LNPK: variants seen among roughly 807,000 people sequenced by gnomAD.
The protein encoded by LNPK is endoplasmic reticulum junction formation protein lunapark.
Under a neutral mutation model 55.2 loss-of-function variants are expected in LNPK, and 29 were observed. The observed-to-expected ratio is 0.53, with a 90% CI of 0.39 to 0.72. LNPK has a LOEUF of 0.72. LNPK is among the 30% of genes least tolerant of loss of function. The pLI, the probability that LNPK is intolerant of heterozygous loss-of-function variation, is 0.00. For missense variants in LNPK, 467 were observed against 494.8 expected (o/e 0.94, Z 0.53); for synonymous variants, 162 against 168.2 (o/e 0.96, Z 0.29).
In LNPK at chr2:175,976,690, CT is replaced by C. The variant is rs1174094721; in HGVS notation, c.316+3119del. ...GACTCCCTGGAGCTAGGACATCTAT[CT>C]TTTCCTGCCTTCAGACTCAAACTGA... On this transcript the variant is annotated intron_variant, in intron 5 of 12. Transcript: ENST00000272748. Among the ~76,000 whole-genome samples the C allele has an allele frequency of 2.6e-5, 4 of 152,336 alleles. No individual in the cohort carries two copies. In the East Asian group the frequency reaches 7.7e-4, roughly 29 times the overall value.
upstream of LNPK, chr2:176,002,486 A>C: frequency 3.6e-6 from 1 of 274,186 alleles, no homozygotes; most frequent in Non-Finnish European, 7.2e-6. Context: ...ATTTATTATG[A>C]CTCTTAGAAT....
intron 5 of LNPK, among the ~76,000 whole-genome samples, chr2:175,978,169 TAAC>T (rs773895913): frequency 3.9e-5 from 6 of 152,068 alleles, no homozygotes; most frequent in Non-Finnish European, 5.9e-5. Context: ...AAATTAAAAA[TAAC>T]AACAATAAAA....
chr2:175,981,524 G>GATTTA (rs528076654), intron 4 of LNPK, among the ~76,000 whole-genome samples: 155 of 152,258 alleles, frequency 1.0e-3, no homozygotes, highest in African/African-American at 3.3e-3. Context: ...GCTTTGGCAT[G>GATTTA]TAAATTCCTG....
chr2:175,955,187 G>T (rs572016947), intron 8 of LNPK, among the ~76,000 whole-genome samples: 5 of 152,302 alleles, frequency 3.3e-5, no homozygotes, highest in African/African-American at 1.2e-4. Context: ...GGAGCAGAGG[G>T]TGTCTGTGTA....
Position 175,969,947 on chromosome 2 carries a change from T to A in LNPK, c.357+817A>T, listed in dbSNP as rs1299665540. Among the ~76,000 whole-genome samples the A allele has an allele frequency of 3.3e-5, 5 of 152,308 alleles. No individual in the cohort carries two copies. In the South Asian group the frequency reaches 1.0e-3, roughly 32 times the overall value. On this transcript the variant is annotated intron_variant, in intron 6 of 12. Transcript: ENST00000272748. Reference sequence around the variant, plus strand: ...TTCACAGAATAATTTTTAACATTAGTCTTAACCTTCACAATATTGGTTTCT... The same window carrying A: ...TTCACAGAATAATTTTTAACATTAGACTTAACCTTCACAATATTGGTTTCT...
intron 4 of LNPK, among the ~76,000 whole-genome samples, chr2:175,986,806 G>A (rs1324299054): frequency 6.6e-6 from 1 of 151,876 alleles, no homozygotes; most frequent in Non-Finnish European, 1.5e-5. Flanking sequence ...AAATATATCT[G>A]TCTCAATCCA....
chr2:175,975,029 C>G (rs1486711829), intron 5 of LNPK, among the ~76,000 whole-genome samples: 1 of 132,956 alleles, frequency 7.5e-6, no homozygotes, highest in Non-Finnish European at 1.6e-5. Context: ...TTTTTTTTTA[C>G]TATCTTGCTA....
chr2:175,994,626 G>C (rs1018619396), intron 2 of LNPK, among the ~76,000 whole-genome samples: 3 of 151,002 alleles, frequency 2.0e-5, no homozygotes, highest in African/African-American at 7.3e-5. Flanking sequence ...GGATGGAAGC[G>C]ATCCTGCCTC....
intron 5 of LNPK, among the ~76,000 whole-genome samples, chr2:175,971,963 G>A (rs1559058537): frequency 6.6e-6 from 1 of 152,284 alleles, no homozygotes; most frequent in South Asian, 2.1e-4. Flanking sequence ...CTGTCACCCA[G>A]GCTGGAGTGC....
At position 175,925,465 on chromosome 2, in the gene LNPK, A is replaced by T. The variant is rs74338620; in HGVS notation, c.*4502T>A. On this transcript the variant is annotated 3_prime_UTR_variant, in exon 13 of 13. Coordinates refer to ENST00000272748, the MANE Select transcript of LNPK (RefSeq NM_030650.3). ...ACTGCATATGCAAAACACAGAAAACACTACTATTGTTACTTTTAAAATGTG... is the reference window on the plus strand; with the variant it reads ...ACTGCATATGCAAAACACAGAAAACTCTACTATTGTTACTTTTAAAATGTG... 1 of 152,148 alleles carries T rather than the reference A, an allele frequency of 6.6e-6. No homozygotes were observed. Among genetic ancestry groups the T allele is most frequent in the Non-Finnish European group, 1.5e-5 (1 of 68,042 alleles). The allele number at this position is 152,148 out of a possible 1,614,324, so 9.4% of individuals were successfully genotyped here.
At chr2:175,971,826 C>T (rs1240637298) in intron 5 of LNPK, among the ~76,000 whole-genome samples, 1 of 152,182 alleles carries the variant, frequency 6.6e-6, no homozygotes, top group Non-Finnish European at 1.5e-5. Context: ...CCAAGCCAAA[C>T]ATCTGTACTT....
intron 10 of LNPK, 191 bp from the exon 11 acceptor site, chr2:175,938,574 C>T (rs1409492793): frequency 2.6e-6 from 1 of 383,522 alleles, no homozygotes; most frequent in African/African-American, 2.1e-5. Context: ...GCCCAAATTT[C>T]AAGCATTTAA....
rs1684031733 is a variant in LNPK, at chr2:175,926,891, G to A, written c.*3076C>T. On this transcript the variant is annotated 3_prime_UTR_variant, in exon 13 of 13. Coordinates refer to ENST00000272748, the MANE Select transcript of LNPK (RefSeq NM_030650.3). ...CTGAAGGTTTGAAGCAAAGTATAGT[G>A]TTCATTCTTGAATATATGGATTGTG... 1 of 152,182 alleles carries A rather than the reference G, an allele frequency of 6.6e-6. No homozygotes were observed. The highest frequency in any genetic ancestry group is 2.4e-5 in the African/African-American group (1 of 41,442). The allele number at this position is 152,182 out of a possible 1,614,324, so 9.4% of individuals were successfully genotyped here.
chr2:175,965,820 C>A (rs1285940520), intron 6 of LNPK, among the ~76,000 whole-genome samples: 2 of 151,282 alleles, frequency 1.3e-5, no homozygotes, highest in African/African-American at 2.4e-5. Context: ...AAACTAGGAA[C>A]AGAGGTAGAA....
intron 4 of LNPK, among the ~76,000 whole-genome samples, chr2:175,986,921 T>C (rs1330711423): frequency 6.6e-6 from 1 of 151,256 alleles, no homozygotes; most frequent in East Asian, 1.9e-4. Flanking sequence ...CCTGAAGGTA[T>C]TAGCTAACAT....
At chr2:175,992,067 G>T (rs1281043065) in intron 4 of LNPK, among the ~76,000 whole-genome samples, 164 bp downstream of exon 4, 1 of 152,026 alleles carries the variant, frequency 6.6e-6, no homozygotes, top group African/African-American at 2.4e-5. Flanking sequence ...TGAAGGTTTA[G>T]AACAATTGTT....
chr2:175,958,061 T>G (rs1685785972), intron 8 of LNPK, among the ~76,000 whole-genome samples: 1 of 152,112 alleles, frequency 6.6e-6, no homozygotes, highest in South Asian at 2.1e-4. Context: ...GCCAGGAAGC[T>G]CGAACTGGGT....
chr2:175,947,402 C>A, intron 9 of LNPK, 78 bp downstream of exon 9: 1 of 1,180,054 alleles, frequency 8.5e-7, no homozygotes, highest in Non-Finnish European at 1.2e-6. Context: ...CATTTCCATA[C>A]CACCTGAAAA....
chr2:175,998,035 G>C (rs368107338), intron 1 of LNPK, among the ~76,000 whole-genome samples: 1 of 151,768 alleles, frequency 6.6e-6, no homozygotes, highest in African/African-American at 2.4e-5. Flanking sequence ...GAGGCACCAC[G>C]CCCGGCCCAA....
Sources: allele counts gnomAD v4.1 joint callset (sites outside exome capture counted in the v4.1 genomes callset), GRCh38; gene constraint gnomAD v4.1.1; transcripts MANE v1.5; gene names NCBI Gene and HGNC (gene_info 2026-07-23, HGNC 2026-07-21).